Variants in NUP62 observed in about 807,000 individuals in gnomAD.
The protein encoded by NUP62 is nucleoporin 62.
For missense variants in NUP62, 647 were observed against 689.4 expected, an observed-to-expected ratio of 0.94 and a Z score of 0.69; for synonymous variants, 305 against 303.4, an observed-to-expected ratio of 1.01 and a Z score of -0.05.
chr19:49,909,089 C>T lies in NUP62; in HGVS notation c.719G>A (p.Cys240Tyr). 4 of 1,612,542 alleles carry T rather than the reference C, an allele frequency of 2.5e-6. No individual in the cohort carries two copies. Among genetic ancestry groups the T allele is most frequent in the Non-Finnish European group, 3.4e-6 (4 of 1,180,034 alleles). ...TSSATTGLSLCTPVTTAGAPT... is the reference protein window; with the variant it reads ...TSSATTGLSLYTPVTTAGAPT... ...GGCGCCCGCTGTGGTCACAGGGGTA[C>T]AGAGGGAGAGTCCAGTGGTGGCAGA... is the stretch of plus-strand genomic sequence containing the variant. The change falls in exon 3 of 3, where the codon TGT becomes TAT. Residue 240 changes from cysteine to tyrosine, a missense_variant. Physicochemically the swap from Cys to Tyr is radical, Grantham distance 194. Coordinates refer to ENST00000352066, the MANE Select transcript of NUP62 (RefSeq NM_016553.5).
At chr19:49,923,062 G>A (rs532883657) in intron 2 of NUP62, among the ~76,000 whole-genome samples, 2 of 151,726 alleles carry the variant, frequency 1.3e-5, no homozygotes, top group South Asian at 4.1e-4. Context: ...GTTGTTATCA[G>A]TTTGCTGTGT....
chr19:49,917,024 C>T (rs1181501472), intron 2 of NUP62, among the ~76,000 whole-genome samples: 10 of 152,272 alleles, frequency 6.6e-5, no homozygotes, highest in Non-Finnish European at 1.2e-4. Flanking sequence ...AGATGCAAGA[C>T]GGACAGGGTG....
At chr19:49,912,410 C>G (rs1204315205) in intron 2 of NUP62, among the ~76,000 whole-genome samples, 1 of 152,150 alleles carries the variant, frequency 6.6e-6, no homozygotes, top group Non-Finnish European at 1.5e-5. Context: ...CTCAGGTGAT[C>G]CGCTTGCCTC....
At chr19:49,920,787 G>A (rs2075747734) in intron 2 of NUP62, among the ~76,000 whole-genome samples, 1 of 152,222 alleles carries the variant, frequency 6.6e-6, no homozygotes, top group Non-Finnish European at 1.5e-5. Context: ...GAGAGGGACT[G>A]AGGCATCAGG....
rs1178865998 is a variant in NUP62 at position 49,921,101 on chromosome 19, T to C, written c.-78+6593A>G. On this transcript the variant is annotated intron_variant, in intron 2 of 2. Transcript: ENST00000352066. The surrounding 1 kb of genome is among the most constrained non-coding windows in gnomAD (Gnocchi z 5.4). Reference sequence around the variant, plus strand: ...CGGACATCTCCACACCCACATTTCATGGCATTTCTCACGCGCTGGGCTGTT... The same window carrying C: ...CGGACATCTCCACACCCACATTTCACGGCATTTCTCACGCGCTGGGCTGTT... Among the ~76,000 whole-genome samples, 3 of 152,308 alleles carry C rather than the reference T, an allele frequency of 2.0e-5. No homozygotes were observed. In the East Asian group the frequency reaches 5.8e-4, roughly 29 times the overall value.
intron 2 of NUP62, among the ~76,000 whole-genome samples, chr19:49,927,326 TG>T (rs779953055): frequency 2.2e-4 from 34 of 152,260 alleles, no homozygotes; most frequent in South Asian, 2.1e-4. Context: ...TTTGGCTTCC[TG>T]GGGCCACATT....
intron 2 of NUP62, among the ~76,000 whole-genome samples, chr19:49,916,725 C>G (rs1053888140): frequency 5.9e-5 from 9 of 151,698 alleles, no homozygotes; most frequent in African/African-American, 2.2e-4. Context: ...GATCACACCA[C>G]TGCACTCCAG....
Position 49,908,656 on chromosome 19 carries a change from C to T in NUP62, c.1152G>A (p.Leu384=). ...GCTCCTGGTCCAGCCTCTTCTGGTC[C>T]AGCTTCACCTTCTCCACCTCGCGGT... is the stretch of plus-strand genomic sequence containing the variant. ...SLHREVEKVK[L]DQKRLDQELD... Residue 384 remains leucine, a synonymous_variant, in exon 3 of 3, where the codon CTG becomes CTA. Transcript: ENST00000352066. The T allele has an allele frequency of 6.2e-7, 1 of 1,612,678 alleles. No individual in the cohort carries two copies. The highest frequency in any genetic ancestry group is 8.5e-7 in the Non-Finnish European group (1 of 1,180,032).
chr19:49,915,160 G>T (rs570740986), intron 2 of NUP62, among the ~76,000 whole-genome samples: 1 of 152,236 alleles, frequency 6.6e-6, no homozygotes, highest in South Asian at 2.1e-4. Flanking sequence ...ATGTGTGTGG[G>T]GGGGTAGACA....
At chr19:49,912,685 G>C (rs536625805) in intron 2 of NUP62, among the ~76,000 whole-genome samples, 1 of 152,108 alleles carries the variant, frequency 6.6e-6, no homozygotes, top group Non-Finnish European at 1.5e-5. Context: ...CCAACATAGC[G>C]AGATGCTGTC....
intron 2 of NUP62, among the ~76,000 whole-genome samples, chr19:49,910,338 CAGAG>C (rs1019331130): frequency 2.0e-5 from 3 of 151,942 alleles, no homozygotes; most frequent in East Asian, 3.9e-4. Flanking sequence ...CTCTGGACCT[CAGAG>C]AGAGAGATGG....
Position 49,908,005 on chromosome 19 carries a change from T to C in NUP62, c.*234A>G, listed in dbSNP as rs1011501113. 2.5e-6 allele frequency: 2 copies of C among 812,388 alleles called. No homozygotes were observed. The highest frequency in any genetic ancestry group is 2.8e-5 in the East Asian group (1 of 36,054). 50.3% of individuals were successfully genotyped at this position (812,388 alleles called of 1,614,324 possible). A position where few individuals can be genotyped will look rare whatever the true frequency, so the allele number is the denominator to read the frequency against. Reference sequence around the variant, plus strand: ...GCAGTAGGTGAAAAGGGGCCAAAGATACTCAAATGAAAGCCACAGAAGCCA... The same window carrying C: ...GCAGTAGGTGAAAAGGGGCCAAAGACACTCAAATGAAAGCCACAGAAGCCA... On this transcript the variant is annotated 3_prime_UTR_variant, in exon 3 of 3. Coordinates refer to ENST00000352066, the MANE Select transcript of NUP62 (RefSeq NM_016553.5).
At chr19:49,912,606 G>A (rs915330180) in intron 2 of NUP62, among the ~76,000 whole-genome samples, 1 of 151,784 alleles carries the variant, frequency 6.6e-6, no homozygotes. Context: ...GCTCACGCCT[G>A]TAATCCCAGC....
Position 49,907,334 on chromosome 19 carries a change from CA to C in NUP62, c.*904del. Reference sequence around the variant, plus strand: ...AAGGTGGGGGTGAGCCTGGGCCAGGCAAAAGGCAGGCCTCTCGGCGCCCATC... The same window carrying C: ...AAGGTGGGGGTGAGCCTGGGCCAGGCAAAGGCAGGCCTCTCGGCGCCCATC... On this transcript the variant is annotated 3_prime_UTR_variant, in exon 3 of 3. Transcript: ENST00000352066. 3.1e-6 allele frequency: 1 copy of C among 317,726 alleles called. No individual in the cohort carries two copies. Among genetic ancestry groups the C allele is most frequent in the Non-Finnish European group, 6.1e-6 (1 of 164,586 alleles). 19.7% of individuals were successfully genotyped at this position (317,726 alleles called of 1,614,324 possible).
intron 1 of NUP62, chr19:49,928,091 G>A (rs36220128): frequency 0.019 from 2,860 of 152,454 alleles, 43 homozygotes; most frequent in Non-Finnish European, 0.026. Context: ...GGAAGATGAG[G>A]ATAGCTGGAA....
chr19:49,921,715 C>T lies in NUP62; in HGVS notation c.-78+5979G>A, dbSNP rs1282495870. On this transcript the variant is annotated intron_variant, in intron 2 of 2. Coordinates refer to ENST00000352066, the MANE Select transcript of NUP62 (RefSeq NM_016553.5). The surrounding 1 kb of genome is among the most constrained non-coding windows in gnomAD (Gnocchi z 5.4). ...GGGCACCTAGGGAGCCTAGGGGTCC[C>T]GTGAGGCCCTCCCACCATGGTTCCC... is the stretch of plus-strand genomic sequence containing the variant. Among the ~76,000 whole-genome samples, 4 of 152,148 alleles carry T rather than the reference C, an allele frequency of 2.6e-5. No individual in the cohort carries two copies. The highest frequency in any genetic ancestry group is 7.2e-5 in the African/African-American group (3 of 41,424).
At chr19:49,919,609 A>G (rs1600540982) in intron 2 of NUP62, among the ~76,000 whole-genome samples, 2 of 152,108 alleles carry the variant, frequency 1.3e-5, no homozygotes, top group African/African-American at 4.8e-5. Flanking sequence ...CCCTGAAGTC[A>G]CCTGACGGCT....
intron 2 of NUP62, among the ~76,000 whole-genome samples, chr19:49,911,565 C>T (rs2075463826): frequency 6.6e-6 from 1 of 152,140 alleles, no homozygotes; most frequent in South Asian, 2.1e-4. Flanking sequence ...CCTTCCACTG[C>T]ACCCTTCTGC....
At chr19:49,917,525 A>C (rs2075654859) in intron 2 of NUP62, 1 of 152,342 alleles carries the variant, frequency 6.6e-6, no homozygotes, top group Non-Finnish European at 1.5e-5. Flanking sequence ...CAAGCGGTCC[A>C]GGCCAAATGG....
Sources: allele counts gnomAD v4.1 joint callset (sites outside exome capture counted in the v4.1 genomes callset), GRCh38; gene constraint gnomAD v4.1.1; non-coding constraint Gnocchi (gnomAD v3.1); transcripts MANE v1.5; gene names NCBI Gene and HGNC (gene_info 2026-07-23, HGNC 2026-07-21).